The following CCDC7 variants were observed in gnomAD, a reference collection of about 807,000 sequenced individuals.
CCDC7 encodes the protein coiled-coil domain containing 7.
In CCDC7, 183 loss-of-function variants were observed where a neutral mutation model predicts 196.9. That is an observed-to-expected ratio of 0.93 (90% CI 0.82 to 1.05). The LOEUF (loss-of-function observed/expected upper bound fraction) is 1.05, where lower values mean the gene tolerates loss of function less well. Ranked by LOEUF, CCDC7 falls within the 50% of genes least tolerant of loss-of-function variation. CCDC7 has a pLI of 0.00. For synonymous variants in CCDC7, 525 were observed against 484.6 expected (o/e 1.08, Z -1.10); for missense variants, 1,540 against 1,482.2 (o/e 1.04, Z -0.64).
At chr10:32,703,324 T>A (rs7091975) in intron 24 of CCDC7, among the ~76,000 whole-genome samples, 20,462 of 151,746 alleles carry the variant, frequency 0.13, 1,738 homozygotes, top group East Asian at 0.33. Flanking sequence ...CTTTTCTTTA[T>A]GAATGTTGAA....
intron 24 of CCDC7, among the ~76,000 whole-genome samples, chr10:32,701,020 C>T (rs941937367): frequency 6.6e-6 from 1 of 152,178 alleles, no homozygotes; most frequent in African/African-American, 2.4e-5. Flanking sequence ...ATATGACTTC[C>T]TCTTTTCCTA....
At chr10:32,734,230 C>T (rs942641276) in intron 28 of CCDC7, among the ~76,000 whole-genome samples, 1 of 152,158 alleles carries the variant, frequency 6.6e-6, no homozygotes, top group Non-Finnish European at 1.5e-5. Context: ...GGTACATATA[C>T]ACCATGGAAT....
At position 32,849,382 on chromosome 10, in the gene CCDC7, T is replaced by G. The variant is rs1442905946; in HGVS notation, c.3895+664T>G. Among the ~76,000 whole-genome samples the G allele has an allele frequency of 3.3e-5, 5 of 151,800 alleles. No homozygotes were observed. In the East Asian group the frequency reaches 9.7e-4, roughly 29 times the overall value. ...AATGGTGTAGAGTGGGCCCATTCAG[T>G]AAATAGAAACTTTACTGGTTGTTCA... is the stretch of plus-strand genomic sequence containing the variant. On this transcript the variant is annotated intron_variant, in intron 39 of 41. Transcript: ENST00000639629.
intron 28 of CCDC7, among the ~76,000 whole-genome samples, chr10:32,753,578 G>T (rs1376585588): frequency 6.6e-6 from 1 of 152,106 alleles, no homozygotes; most frequent in Non-Finnish European, 1.5e-5. Flanking sequence ...TTATTCTGTT[G>T]TGATCACTCC....
chr10:32,866,297 A>T (rs914557068), intron 41 of CCDC7, among the ~76,000 whole-genome samples: 5 of 151,974 alleles, frequency 3.3e-5, no homozygotes, highest in African/African-American at 4.8e-5. Flanking sequence ...GCTCTGTAAA[A>T]ACATTAAAAG....
intron 20 of CCDC7, among the ~76,000 whole-genome samples, chr10:32,661,485 G>A (rs1472076592): frequency 6.6e-6 from 1 of 152,174 alleles, no homozygotes; most frequent in Non-Finnish European, 1.5e-5. Flanking sequence ...AATGTGCTGG[G>A]TCTCACCTGA....
intron 11 of CCDC7, among the ~76,000 whole-genome samples, chr10:32,535,737 CTA>C (rs1395427588): frequency 6.6e-6 from 1 of 152,104 alleles, no homozygotes; most frequent in Admixed American, 6.6e-5. Context: ...GGACTCTCAG[CTA>C]ATCTCTTCAA....
chr10:32,746,094 T>C (rs775581594), intron 28 of CCDC7, among the ~76,000 whole-genome samples: 8 of 151,982 alleles, frequency 5.3e-5, no homozygotes, highest in Non-Finnish European at 1.2e-4. Flanking sequence ...GAAGAGCATC[T>C]CCCACTGAGA....
At chr10:32,799,687 C>A (rs1248637712) in intron 29 of CCDC7, among the ~76,000 whole-genome samples, 1 of 152,136 alleles carries the variant, frequency 6.6e-6, no homozygotes, top group Non-Finnish European at 1.5e-5. Context: ...GTAAAAGGTC[C>A]CTGAATTTTA....
At chr10:32,722,388 A>G (rs1358649611) in intron 25 of CCDC7, among the ~76,000 whole-genome samples, 1 of 152,156 alleles carries the variant, frequency 6.6e-6, no homozygotes, top group Non-Finnish European at 1.5e-5. Flanking sequence ...TAGGGCTACC[A>G]TTACAAAGTA....
At chr10:32,452,279 G>C (rs903381459) in intron 1 of CCDC7, among the ~76,000 whole-genome samples, 1 of 152,190 alleles carries the variant, frequency 6.6e-6, no homozygotes, top group East Asian at 1.9e-4. Flanking sequence ...AGGAAAGGAG[G>C]TTCAGTATAA....
At chr10:32,463,980 T>C (rs545320044) in intron 5 of CCDC7, among the ~76,000 whole-genome samples, 2 of 152,292 alleles carry the variant, frequency 1.3e-5, no homozygotes, top group Admixed American at 1.3e-4. Flanking sequence ...TAAAATGTGT[T>C]CTTCTTTGCA....
At chr10:32,600,688 C>T (rs1451702917) in intron 18 of CCDC7, among the ~76,000 whole-genome samples, 1 of 151,964 alleles carries the variant, frequency 6.6e-6, no homozygotes, top group Admixed American at 6.6e-5. Flanking sequence ...TATTGCATAC[C>T]CAATAATGGT....
chr10:32,845,244 G>C, exon 34 of CCDC7: 1 of 1,541,090 alleles, frequency 6.5e-7, no homozygotes, highest in Non-Finnish European at 8.8e-7. Context: ...TTTATATAGA[G>C]ACTGATAAGG....
intron 32 of CCDC7, among the ~76,000 whole-genome samples, chr10:32,832,226 G>T (rs939768627): frequency 6.6e-6 from 1 of 152,168 alleles, no homozygotes; most frequent in Non-Finnish European, 1.5e-5. Flanking sequence ...CCAAGGCCAG[G>T]TGCAGTGGCT....
In CCDC7 at chr10:32,590,683, C is replaced by A. The variant is rs2059702649; in HGVS notation, c.1801+6379C>A. On this transcript the variant is annotated intron_variant, in intron 18 of 41. Coordinates refer to ENST00000639629, the Ensembl canonical transcript of CCDC7. ...AGGACAGGTCTGGTGTTGATAAAAT[C>A]CCTCAGCTTTTGTTTGTCTGGGAAG... Among the ~76,000 whole-genome samples the A allele has an allele frequency of 2.0e-5, 3 of 152,116 alleles. No homozygotes were observed. The South Asian group carries it at 6.2e-4, about 31-fold the overall frequency.
chr10:32,500,270 G>A (rs1253720517), intron 9 of CCDC7, among the ~76,000 whole-genome samples: 1 of 151,486 alleles, frequency 6.6e-6, no homozygotes, highest in East Asian at 2.0e-4. Flanking sequence ...GCCCGGTGGA[G>A]ACGCTCCTCA....
intron 28 of CCDC7, among the ~76,000 whole-genome samples, chr10:32,762,453 A>G (rs997247288): frequency 2.6e-5 from 4 of 151,702 alleles, no homozygotes; most frequent in African/African-American, 9.7e-5. Flanking sequence ...CAATATTCCA[A>G]TTACATTTTT....
intron 28 of CCDC7, among the ~76,000 whole-genome samples, chr10:32,731,204 AG>A (rs1351115804): frequency 6.6e-6 from 1 of 152,120 alleles, no homozygotes; most frequent in Non-Finnish European, 1.5e-5. Flanking sequence ...GTCTCTAGTA[AG>A]GTCTTTTGAC....
Sources: allele counts gnomAD v4.1 joint callset (sites outside exome capture counted in the v4.1 genomes callset), GRCh38; gene constraint gnomAD v4.1.1; transcripts MANE v1.5; gene names NCBI Gene and HGNC (gene_info 2026-07-23, HGNC 2026-07-21).